The following ASXL3 variants were observed in gnomAD, a reference collection of about 807,000 sequenced individuals.
The protein encoded by ASXL3 is putative Polycomb group protein ASXL3.
In ASXL3, 34 loss-of-function variants were observed where a neutral mutation model predicts 170.6. The observed-to-expected ratio is 0.20, with a 90% CI of 0.15 to 0.27. The LOEUF is 0.27. ASXL3 is among the 10% of genes least tolerant of loss of function. The pLI, the probability that ASXL3 is intolerant of heterozygous loss-of-function variation, is 1.00. For missense variants in ASXL3, 2,592 were observed against 2,695.3 expected, an observed-to-expected ratio of 0.96 and a Z score of 0.85; for synonymous variants, 1,002 against 989.1, an observed-to-expected ratio of 1.01 and a Z score of -0.24.
chr18:33,704,035 T>C (rs1014270108), intron 8 of ASXL3, among the ~76,000 whole-genome samples: 2 of 152,190 alleles, frequency 1.3e-5, no homozygotes, highest in Non-Finnish European at 2.9e-5. Flanking sequence ...TTTCCTGTGC[T>C]AGATTTCCAA....
rs2065644629 is a variant in ASXL3 at position 33,629,340 on chromosome 18, A to G, written c.138-15554A>G. 2.0e-5 allele frequency among the ~76,000 whole-genome samples: 3 copies of G among 152,154 alleles called. No homozygotes were observed. The South Asian group carries it at 6.2e-4, about 32-fold the overall frequency. ...GACCAAGAACATTAATTCAAGTTAA[A>G]TGAGTTGGTTGGAGTTGTGCTTACT... On this transcript the variant is annotated intron_variant, in intron 2 of 11. Coordinates refer to ENST00000269197, the MANE Select transcript of ASXL3 (RefSeq NM_030632.3).
chr18:33,694,117 G>T (rs562153063), intron 8 of ASXL3, among the ~76,000 whole-genome samples: 60 of 152,260 alleles, frequency 3.9e-4, no homozygotes, highest in African/African-American at 1.4e-3. Context: ...GTCAGAGCAG[G>T]ATTGGTCAGT....
intron 8 of ASXL3, among the ~76,000 whole-genome samples, chr18:33,728,136 C>T (rs1207275931): frequency 6.6e-6 from 1 of 152,112 alleles, no homozygotes. Context: ...TGTATATCAG[C>T]TACTGGAGTT....
intron 4 of ASXL3, among the ~76,000 whole-genome samples, chr18:33,659,402 A>G (rs943313350): frequency 1.3e-4 from 20 of 152,014 alleles, no homozygotes; most frequent in African/African-American, 1.9e-4. Context: ...TAAGTTTCCA[A>G]TTTTCTAGAT....
chr18:33,632,170 A>G (rs2065688090), intron 2 of ASXL3, among the ~76,000 whole-genome samples: 1 of 152,124 alleles, frequency 6.6e-6, no homozygotes, highest in Non-Finnish European at 1.5e-5. Context: ...ATGAGTAGAG[A>G]GATTTATTCT....
Position 33,746,620 on chromosome 18 carries a change from C to T in ASXL3, c.*25C>T. ...AGAGCTGAGTGAAAGATGCAGTATC[C>T]CTTTTCCACACGGAAAAGCCAAATA... On this transcript the variant is annotated 3_prime_UTR_variant, in exon 12 of 12. Coordinates refer to ENST00000269197, the MANE Select transcript of ASXL3 (RefSeq NM_030632.3). The T allele has an allele frequency of 1.2e-5, 18 of 1,534,046 alleles. No individual in the cohort carries two copies. Among genetic ancestry groups the T allele is most frequent in the Non-Finnish European group, 1.6e-5 (18 of 1,144,326 alleles).
rs561577386 is a variant in ASXL3 at position 33,632,881 on chromosome 18, T to C, written c.138-12013T>C. ...AAGTCCTCTGGGGCTCTCTATCATC[T>C]CCTGCATGAAGTCTAAGCTCCTTGC... On this transcript the variant is annotated intron_variant, in intron 2 of 11. Coordinates refer to ENST00000269197, the MANE Select transcript of ASXL3 (RefSeq NM_030632.3). Among the ~76,000 whole-genome samples the C allele has an allele frequency of 5.3e-5, 8 of 152,284 alleles. No homozygotes were observed. In the South Asian group the frequency reaches 1.7e-3, roughly 32 times the overall value.
chr18:33,726,620 T>G (rs2067355652), intron 8 of ASXL3, among the ~76,000 whole-genome samples: 1 of 152,218 alleles, frequency 6.6e-6, no homozygotes, highest in Non-Finnish European at 1.5e-5. Flanking sequence ...TTGAAATTAA[T>G]TACATGTTTC....
chr18:33,717,714 G>A (rs2067188338), intron 8 of ASXL3, among the ~76,000 whole-genome samples: 1 of 152,024 alleles, frequency 6.6e-6, no homozygotes, highest in Non-Finnish European at 1.5e-5. Flanking sequence ...GAGAGGCTGG[G>A]CGTTGGTTTA....
At chr18:33,609,149 G>A (rs2065295680) in intron 2 of ASXL3, 1 of 829,220 alleles carries the variant, frequency 1.2e-6, no homozygotes, top group Non-Finnish European at 1.5e-6. Context: ...TAAGGAGTTA[G>A]GGAACAAAAT....
Position 33,710,691 on chromosome 18 carries a change from T to C in ASXL3, c.880-21277T>C, listed in dbSNP as rs545094144. On this transcript the variant is annotated intron_variant, in intron 8 of 11. Transcript: ENST00000269197. Reference sequence around the variant, plus strand: ...AATGATCTAATTTAGAATTTCCTACTTATTTAGATGTAGATCTATTGGTGA... The same window carrying C: ...AATGATCTAATTTAGAATTTCCTACCTATTTAGATGTAGATCTATTGGTGA... 3.3e-5 allele frequency among the ~76,000 whole-genome samples: 5 copies of C among 152,218 alleles called. No individual in the cohort carries two copies. In the South Asian group the frequency reaches 1.0e-3, roughly 31 times the overall value.
chr18:33,737,364 T>C (rs2067566050), intron 10 of ASXL3, among the ~76,000 whole-genome samples: 1 of 152,166 alleles, frequency 6.6e-6, no homozygotes, highest in Non-Finnish European at 1.5e-5. Context: ...TTCACTTAAA[T>C]GTTCTTTTTC....
At position 33,739,349 on chromosome 18, in the gene ASXL3, T is replaced by A. The variant is rs973351101; in HGVS notation, c.1945T>A (p.Phe649Ile). ...SCTPASLETTFCSEVSSTENT... is the reference protein window; with the variant it reads ...SCTPASLETTICSEVSSTENT... ...TACTCCAGCCTCCCTTGAGACAACA[T>A]TTTGTTCTGAGGTATCTAGCACTGA... The change falls in exon 11 of 12, where the codon TTT becomes ATT. Residue 649 changes from phenylalanine to isoleucine, a missense_variant. By Grantham distance (21) the Phe-to-Ile change is conservative. Around this residue, in one of 4 missense-constraint regions of ASXL3, gnomAD observed 2,246 missense variants for 2,219.6 expected, o/e 1.01. Transcript: ENST00000269197. 6.2e-7 allele frequency: 1 copy of A among 1,613,456 alleles called. No individual in the cohort carries two copies. Among genetic ancestry groups the A allele is most frequent in the African/African-American group, 1.3e-5 (1 of 74,922 alleles).
intron 2 of ASXL3, among the ~76,000 whole-genome samples, chr18:33,624,912 G>T (rs2065576669): frequency 6.6e-6 from 1 of 152,058 alleles, no homozygotes; most frequent in Admixed American, 6.6e-5. Context: ...GAAATAGTTT[G>T]CTGCCTGTTA....
chr18:33,665,101 A>G (rs2066236300), intron 5 of ASXL3, among the ~76,000 whole-genome samples: 1 of 152,180 alleles, frequency 6.6e-6, no homozygotes, highest in Admixed American at 6.5e-5. Context: ...TTAAAATATA[A>G]TTCAGAAAGA....
chr18:33,647,176 G>A (rs1181960654), intron 4 of ASXL3, among the ~76,000 whole-genome samples: 1 of 151,976 alleles, frequency 6.6e-6, no homozygotes, highest in African/African-American at 2.4e-5. Context: ...CAGAAATATT[G>A]TATTTCAGTA....
In ASXL3 at chr18:33,739,045, T is replaced by TTCA. The variant is rs768263417; in HGVS notation, c.1644_1646dup (p.Ser549dup). ...TCTGTGACTCTCTTATTCCTTCCACTTCATCTATGACTCATGTCAGTGACA... is the reference window on the plus strand; with the variant it reads ...TCTGTGACTCTCTTATTCCTTCCACTTCATCATCTATGACTCATGTCAGTGACA... On this transcript the variant is annotated inframe_insertion, in exon 11 of 12. Transcript: ENST00000269197. The TTCA allele has an allele frequency of 1.9e-6, 3 of 1,613,452 alleles. No individual in the cohort carries two copies. Among genetic ancestry groups the TTCA allele is most frequent in the Non-Finnish European group, 1.7e-6 (2 of 1,179,666 alleles).
At chr18:33,741,927 C>G (rs2067670218) in intron 11 of ASXL3, among the ~76,000 whole-genome samples, 1 of 152,200 alleles carries the variant, frequency 6.6e-6, no homozygotes, top group Non-Finnish European at 1.5e-5. Flanking sequence ...GCAACACAGC[C>G]TTGCTATGGA....
chr18:33,646,884 G>GGA (rs1555725511), intron 4 of ASXL3, among the ~76,000 whole-genome samples: 1 of 148,132 alleles, frequency 6.8e-6, no homozygotes, highest in African/African-American at 2.5e-5. Flanking sequence ...GGGGAGCGGG[G>GGA]GGGGGGGGCA....
Sources: allele counts gnomAD v4.1 joint callset (sites outside exome capture counted in the v4.1 genomes callset), GRCh38; gene constraint gnomAD v4.1.1; regional missense constraint gnomAD v4.1.1; transcripts MANE v1.5; gene names NCBI Gene and HGNC (gene_info 2026-07-23, HGNC 2026-07-21).